The following ZNF609 variants were observed in gnomAD, a reference collection of about 807,000 sequenced individuals.
ZNF609 encodes the protein zinc finger protein 609.
Under a neutral mutation model 109.5 loss-of-function variants are expected in ZNF609, and 11 were observed. The observed-to-expected ratio is 0.10, with a 90% confidence interval of 0.06 to 0.17. The LOEUF is 0.17. ZNF609 is among the 10% of genes least tolerant of loss of function. The pLI, the probability that ZNF609 is intolerant of heterozygous loss-of-function variation, is 1.00. For missense variants in ZNF609, 1,559 were observed against 1,772.4 expected, an observed-to-expected ratio of 0.88 and a Z score of 2.16; for synonymous variants, 646 against 662.0, an observed-to-expected ratio of 0.98 and a Z score of 0.37.
At chr15:64,477,909 C>T (rs60561324) in intron 1 of ZNF609, among the ~76,000 whole-genome samples, 15,910 of 152,218 alleles carry the variant, frequency 0.1, 2,122 homozygotes, top group East Asian at 0.78. Context: ...GGATTATAGG[C>T]ATGAGCCACT....
intron 2 of ZNF609, among the ~76,000 whole-genome samples, chr15:64,595,032 T>C (rs952790132): frequency 1.4e-5 from 2 of 143,408 alleles, no homozygotes; most frequent in African/African-American, 5.2e-5. Flanking sequence ...AAGAAAAGAA[T>C]GTGTCTCTTT....
chr15:64,515,276 C>A (rs1329638226), intron 2 of ZNF609, among the ~76,000 whole-genome samples: 2 of 152,118 alleles, frequency 1.3e-5, no homozygotes, highest in African/African-American at 2.4e-5. Context: ...ATACCTTATT[C>A]GAAGGCTTGG....
intron 2 of ZNF609, among the ~76,000 whole-genome samples, chr15:64,589,246 C>A (rs970840663): frequency 3.3e-5 from 5 of 152,028 alleles, no homozygotes; most frequent in Non-Finnish European, 5.9e-5. Context: ...GGTTTAGTAG[C>A]CAACTTCTGA....
At chr15:64,639,425 A>G (rs895943608) in intron 3 of ZNF609, among the ~76,000 whole-genome samples, 2 of 152,230 alleles carry the variant, frequency 1.3e-5, no homozygotes, top group East Asian at 3.8e-4. Context: ...TGGCAGGACC[A>G]TCTGTCTCCT....
At chr15:64,613,062 C>G (rs1004157424) in intron 2 of ZNF609, among the ~76,000 whole-genome samples, 1 of 152,058 alleles carries the variant, frequency 6.6e-6, no homozygotes, top group Non-Finnish European at 1.5e-5. Flanking sequence ...TGGGTCACAC[C>G]TGTAATCCCA....
Position 64,675,787 on chromosome 15 carries a change from C to T in ZNF609, c.2933C>T (p.Ala978Val). ...YMQSLYYNQY[A>V]YVPPYGYSDQ... ...CAGTCCCTGTACTACAACCAGTATG[C>T]CTATGTACCCCCCTATGGCTACAGC... Residue 978 changes from alanine to valine, a missense_variant, in exon 5 of 10, where the codon GCC becomes GTC. By Grantham distance (64) the Ala-to-Val change is moderately conservative. Coordinates refer to ENST00000326648, the MANE Select transcript of ZNF609 (RefSeq NM_015042.2). The T allele has an allele frequency of 6.2e-7, 1 of 1,614,210 alleles. No individual in the cohort carries two copies. The highest frequency in any genetic ancestry group is 1.1e-5 in the South Asian group (1 of 91,082).
At chr15:64,629,976 A>T (rs1390454911) in intron 3 of ZNF609, among the ~76,000 whole-genome samples, 1 of 152,008 alleles carries the variant, frequency 6.6e-6, no homozygotes, top group Non-Finnish European at 1.5e-5. Flanking sequence ...ACAGAAACTG[A>T]TTTATTAAAT....
intron 2 of ZNF609, among the ~76,000 whole-genome samples, chr15:64,563,798 A>C (rs1894728301): frequency 6.6e-6 from 1 of 151,856 alleles, no homozygotes; most frequent in Admixed American, 6.6e-5. Flanking sequence ...ACAAAACAAA[A>C]CAAAACAAAA....
intron 3 of ZNF609, among the ~76,000 whole-genome samples, chr15:64,645,004 T>TTC (rs1567037973): frequency 1.1e-4 from 16 of 141,630 alleles, no homozygotes; most frequent in South Asian, 2.4e-4. Context: ...TTTCTTTCTT[T>TTC]CTTTCTTCCT....
At chr15:64,485,970 T>G (rs939841487) in intron 1 of ZNF609, among the ~76,000 whole-genome samples, 9 of 152,188 alleles carry the variant, frequency 5.9e-5, no homozygotes, top group Non-Finnish European at 5.9e-5. Flanking sequence ...GTGTTTTCAG[T>G]TCTGTGCAGA....
chr15:64,544,213 A>G (rs753996442), intron 2 of ZNF609, among the ~76,000 whole-genome samples: 42 of 152,186 alleles, frequency 2.8e-4, no homozygotes, highest in Admixed American at 4.6e-4. Flanking sequence ...GGTGGCATGC[A>G]TCTGTAATCC....
At chr15:64,473,617 T>C (rs1412780380) in intron 1 of ZNF609, among the ~76,000 whole-genome samples, 2 of 151,522 alleles carry the variant, frequency 1.3e-5, no homozygotes, top group Non-Finnish European at 2.9e-5. Flanking sequence ...CCTTTTTCTT[T>C]TTTTTTGAGA....
intron 1 of ZNF609, among the ~76,000 whole-genome samples, chr15:64,478,253 T>A (rs550444671): frequency 6.6e-6 from 1 of 150,376 alleles, no homozygotes; most frequent in East Asian, 2.0e-4. Flanking sequence ...CAGTGGCTAT[T>A]CACAGGTGTG....
intron 2 of ZNF609, among the ~76,000 whole-genome samples, chr15:64,556,542 G>A (rs1411564245): frequency 6.6e-6 from 1 of 152,096 alleles, no homozygotes; most frequent in Non-Finnish European, 1.5e-5. Flanking sequence ...TATAGATGAA[G>A]AAACCAAATG....
intron 2 of ZNF609, among the ~76,000 whole-genome samples, chr15:64,537,253 T>G (rs1894165769): frequency 6.7e-6 from 1 of 149,716 alleles, no homozygotes; most frequent in African/African-American, 2.5e-5. Context: ...ATCCCAGCAC[T>G]TTGGGAGGCC....
intron 1 of ZNF609, chr15:64,470,507 A>G (rs1455538536): frequency 1.3e-5 from 2 of 152,084 alleles, no homozygotes; most frequent in Non-Finnish European, 2.9e-5. Flanking sequence ...AATGTTAGGA[A>G]GTATTTGCTT....
chr15:64,648,129 C>T (rs2140995433), intron 3 of ZNF609, among the ~76,000 whole-genome samples: 1 of 152,220 alleles, frequency 6.6e-6, no homozygotes, highest in Non-Finnish European at 1.5e-5. Context: ...GTGTTTTACA[C>T]CGAAAATACG....
At chr15:64,528,167 G>A (rs1435308933) in intron 2 of ZNF609, among the ~76,000 whole-genome samples, 5 of 150,714 alleles carry the variant, frequency 3.3e-5, no homozygotes, top group African/African-American at 7.3e-5. Context: ...ACGCGATCTC[G>A]GCTCACTGCA....
chr15:64,495,510 C>T (rs1488148972), intron 1 of ZNF609, among the ~76,000 whole-genome samples: 1 of 152,080 alleles, frequency 6.6e-6, no homozygotes, highest in African/African-American at 2.4e-5. Flanking sequence ...TCTCCTGCCT[C>T]AGCCTCCCAA....
Sources: allele counts gnomAD v4.1 joint callset (sites outside exome capture counted in the v4.1 genomes callset), GRCh38; gene constraint gnomAD v4.1.1; transcripts MANE v1.5; gene names NCBI Gene and HGNC (gene_info 2026-07-23, HGNC 2026-07-21).